LARGE1: variants seen among roughly 807,000 people sequenced by gnomAD.
LARGE1 encodes the protein LARGE xylosyl- and glucuronyltransferase 1.
LARGE1 carries 43 observed loss-of-function variants against 87.6 expected under a neutral mutation model. That is an observed-to-expected ratio of 0.49 (90% CI 0.38 to 0.63). LARGE1 has a LOEUF of 0.63. LARGE1 is among the 30% of genes least tolerant of loss of function. LARGE1 has a pLI of 0.00. For missense variants in LARGE1, 802 were observed against 1,000.2 expected, an observed-to-expected ratio of 0.80 and a Z score of 2.67; for synonymous variants, 434 against 394.6, an observed-to-expected ratio of 1.10 and a Z score of -1.18.
At chr22:33,533,984 C>T (rs941468852) in intron 6 of LARGE1, among the ~76,000 whole-genome samples, 3 of 150,950 alleles carry the variant, frequency 2.0e-5, no homozygotes, top group Admixed American at 6.6e-5. Flanking sequence ...ACTAACCTGA[C>T]TTTTTTATTA....
chr22:33,744,336 GA>G (rs1369075582), intron 2 of LARGE1: 1 of 152,204 alleles, frequency 6.6e-6, no homozygotes, highest in Non-Finnish European at 1.5e-5. Context: ...CTGGTAAGTG[GA>G]ACAGACAGGT....
At chr22:33,550,338 G>C (rs1400707634) in intron 6 of LARGE1, among the ~76,000 whole-genome samples, 1 of 152,180 alleles carries the variant, frequency 6.6e-6, no homozygotes, top group African/African-American at 2.4e-5. Flanking sequence ...CATTAAGGAA[G>C]TGGTTCTCAA....
intron 6 of LARGE1, among the ~76,000 whole-genome samples, chr22:33,484,743 C>T (rs541393996): frequency 2.6e-4 from 39 of 152,254 alleles, no homozygotes; most frequent in Admixed American, 1.3e-3. Flanking sequence ...TAAAGCCATG[C>T]CCCCGGTCTG....
intron 1 of LARGE1, among the ~76,000 whole-genome samples, chr22:33,852,529 A>C (rs1244873412): frequency 6.6e-6 from 1 of 152,118 alleles, no homozygotes; most frequent in African/African-American, 2.4e-5. Context: ...ATTTAAAAAA[A>C]CATACAGTCT....
rs545913964 is a variant in LARGE1, at chr22:33,592,319, A to T, written c.615+12116T>A. Among the ~76,000 whole-genome samples the T allele has an allele frequency of 4.9e-4, 75 of 151,818 alleles. 1 individual carries two copies. Among genetic ancestry groups the T allele is most frequent in the Middle Eastern group, 3.4e-3 (1 of 294 alleles). On this transcript the variant is annotated intron_variant, in intron 5 of 14. Coordinates refer to ENST00000397394, the MANE Select transcript of LARGE1 (RefSeq NM_133642.5). ...AATAGTTCATTTTATTATTATTATT[A>T]TTTTTTTCTGTCTCATCTTCTTTGC...
chr22:33,125,527 A>G, the LARGE1 span, among the ~76,000 whole-genome samples: 1 of 151,326 alleles, frequency 6.6e-6, no homozygotes, highest in Admixed American at 6.6e-5. Flanking sequence ...GCTCACTGCA[A>G]CCTCTGCCTC....
intron 6 of LARGE1, among the ~76,000 whole-genome samples, chr22:33,508,302 C>T (rs911037958): frequency 7.2e-5 from 11 of 152,186 alleles, no homozygotes; most frequent in East Asian, 1.9e-4. Flanking sequence ...GCACTGGGAA[C>T]GAGTAAAACA....
chr22:33,787,546 G>T (rs113310902), intron 1 of LARGE1, among the ~76,000 whole-genome samples: 10 of 152,264 alleles, frequency 6.6e-5, no homozygotes, highest in African/African-American at 2.4e-4. Context: ...CAACTCCAAA[G>T]TCTTCTTCCA....
the LARGE1 span, among the ~76,000 whole-genome samples, chr22:33,143,878 G>A: frequency 2.0e-5 from 3 of 152,022 alleles, no homozygotes; most frequent in East Asian, 5.8e-4. Flanking sequence ...TTAAAATGAA[G>A]ATGCTCATAG....
chr22:33,885,718 C>T (rs1276130269), intron 1 of LARGE1, among the ~76,000 whole-genome samples: 1 of 152,014 alleles, frequency 6.6e-6, no homozygotes, highest in African/African-American at 2.4e-5. Flanking sequence ...CGCTGGAGCC[C>T]AAGTTTCTCA....
chr22:33,797,098 G>C (rs943744668), intron 1 of LARGE1, among the ~76,000 whole-genome samples: 1 of 152,070 alleles, frequency 6.6e-6, no homozygotes, highest in Admixed American at 6.5e-5. Flanking sequence ...CTCCAAAGTT[G>C]TTAATTAAAG....
chr22:33,574,923 G>A (rs1287712587), intron 5 of LARGE1, among the ~76,000 whole-genome samples: 1 of 152,110 alleles, frequency 6.6e-6, no homozygotes, highest in African/African-American at 2.4e-5. Context: ...GCTAAGAGAT[G>A]TGATCTCATC....
chr22:33,262,105 C>A (rs1490996427), intron 11 of LARGE1, among the ~76,000 whole-genome samples: 1 of 152,148 alleles, frequency 6.6e-6, no homozygotes, highest in Non-Finnish European at 1.5e-5. Context: ...TCCACGAAAG[C>A]CTTAAAAGAC....
chr22:33,724,631 A>C (rs1316892682), intron 2 of LARGE1, among the ~76,000 whole-genome samples: 1 of 152,222 alleles, frequency 6.6e-6, no homozygotes, highest in Non-Finnish European at 1.5e-5. Flanking sequence ...TTCCTCCCAG[A>C]AAATGGTGAA....
the LARGE1 span, among the ~76,000 whole-genome samples, chr22:33,088,429 T>G: frequency 6.6e-6 from 1 of 152,184 alleles, no homozygotes; most frequent in Non-Finnish European, 1.5e-5. Context: ...TAAAAATATT[T>G]CTATTCATAG....
At chr22:33,549,364 C>A (rs2077454979) in intron 6 of LARGE1, among the ~76,000 whole-genome samples, 1 of 151,114 alleles carries the variant, frequency 6.6e-6, no homozygotes. Flanking sequence ...TGGTTCCTCT[C>A]TTCACGGATA....
chr22:33,416,341 A>G (rs2066482526), intron 7 of LARGE1, among the ~76,000 whole-genome samples: 1 of 152,100 alleles, frequency 6.6e-6, no homozygotes, highest in Non-Finnish European at 1.5e-5. Flanking sequence ...GCTCTGTTGA[A>G]CAGCAAGCTC....
At chr22:33,449,865 A>T (rs7284227) in intron 6 of LARGE1, among the ~76,000 whole-genome samples, 50,229 of 151,876 alleles carry the variant, frequency 0.33, 9,006 homozygotes, top group African/African-American at 0.46. Context: ...CCTCATGTTT[A>T]TAAACAGTCT....
chr22:33,447,715 G>A (rs1046609184), intron 6 of LARGE1, among the ~76,000 whole-genome samples: 1 of 152,158 alleles, frequency 6.6e-6, no homozygotes, highest in African/African-American at 2.4e-5. Flanking sequence ...CTGGGCGTGG[G>A]GTAAGTCCCT....
Sources: gnomAD v4.1 joint callset for allele counts (sites outside exome capture counted in the v4.1 genomes callset) on GRCh38, gnomAD v4.1.1 for gene constraint, MANE v1.5 for transcripts, NCBI Gene and HGNC (gene_info 2026-07-23, HGNC 2026-07-21) for gene names.